Variants in NRXN1 observed in about 807,000 individuals in gnomAD.
The protein encoded by NRXN1 is neurexin 1, also known as neurexin-1.
Under a neutral mutation model 150.9 loss-of-function variants are expected in NRXN1, and 39 were observed. The ratio of observed to expected loss-of-function variants is 0.26; its 90% CI spans 0.20 to 0.34. NRXN1 has a LOEUF of 0.34. Ranked by LOEUF, NRXN1 falls within the 10% of genes least tolerant of loss-of-function variation. NRXN1 has a pLI of 1.00. For synonymous variants in NRXN1, 924 were observed against 757.0 expected, an observed-to-expected ratio of 1.22 and a Z score of -3.62; for missense variants, 1,815 against 1,949.9, an observed-to-expected ratio of 0.93 and a Z score of 1.30.
intron 18 of NRXN1, among the ~76,000 whole-genome samples, chr2:50,165,802 G>A (rs989962528): frequency 6.6e-6 from 1 of 152,066 alleles, no homozygotes; most frequent in Non-Finnish European, 1.5e-5. Context: ...TGCAAACAAT[G>A]ATATTATTAC....
intron 5 of NRXN1, among the ~76,000 whole-genome samples, chr2:50,714,214 C>T (rs1157484219): frequency 1.3e-5 from 2 of 152,144 alleles, no homozygotes; most frequent in Non-Finnish European, 2.9e-5. Flanking sequence ...TATATGGCCA[C>T]ACAGGAGTCC....
chr2:50,642,269 G>A (rs1019204103), intron 5 of NRXN1, among the ~76,000 whole-genome samples: 1 of 151,842 alleles, frequency 6.6e-6, no homozygotes, highest in Non-Finnish European at 1.5e-5. Flanking sequence ...TGCAAAGGGG[G>A]ATACAAGACA....
intron 21 of NRXN1, among the ~76,000 whole-genome samples, chr2:50,036,958 G>A (rs927856398): frequency 6.6e-6 from 1 of 152,128 alleles, no homozygotes; most frequent in South Asian, 2.1e-4. Context: ...CTGAAGCCCA[G>A]TCCAAATGGC....
chr2:50,513,544 T>C (rs968990115), intron 12 of NRXN1, among the ~76,000 whole-genome samples: 2 of 152,188 alleles, frequency 1.3e-5, no homozygotes, highest in Non-Finnish European at 2.9e-5. Flanking sequence ...AATAGATCAA[T>C]AACGACATGC....
intron 5 of NRXN1, among the ~76,000 whole-genome samples, chr2:50,902,162 T>C (rs1427386200): frequency 2.6e-5 from 4 of 152,176 alleles, no homozygotes; most frequent in Non-Finnish European, 5.9e-5. Flanking sequence ...GTCTGAAATA[T>C]CATTAATTCA....
At chr2:49,930,658 T>C (rs1270574764) in intron 22 of NRXN1, among the ~76,000 whole-genome samples, 1 of 152,240 alleles carries the variant, frequency 6.6e-6, no homozygotes, top group African/African-American at 2.4e-5. Context: ...TTTTTTCAAC[T>C]AGACTGTTGG....
At chr2:50,039,282 A>C (rs1021723686) in intron 21 of NRXN1, among the ~76,000 whole-genome samples, 1 of 152,114 alleles carries the variant, frequency 6.6e-6, no homozygotes, top group Non-Finnish European at 1.5e-5. Context: ...CCTGGTCAAC[A>C]TGGTGAAATC....
At chr2:50,849,492 A>G (rs1480216800) in intron 5 of NRXN1, among the ~76,000 whole-genome samples, 1 of 152,200 alleles carries the variant, frequency 6.6e-6, no homozygotes, top group East Asian at 1.9e-4. Context: ...AGCATCAATT[A>G]GCAAACACAG....
At chr2:50,377,551 C>T (rs1457636959) in intron 17 of NRXN1, among the ~76,000 whole-genome samples, 2 of 152,086 alleles carry the variant, frequency 1.3e-5, no homozygotes, top group Non-Finnish European at 2.9e-5. Context: ...TTCTCACATT[C>T]TTAAAATTAA....
chr2:50,273,812 A>G (rs987681304), intron 17 of NRXN1, among the ~76,000 whole-genome samples: 4 of 152,210 alleles, frequency 2.6e-5, no homozygotes, highest in African/African-American at 9.6e-5. Flanking sequence ...AATGCAAATC[A>G]AAACCACAAT....
intron 18 of NRXN1, among the ~76,000 whole-genome samples, chr2:50,113,542 C>T (rs1702645872): frequency 6.6e-6 from 1 of 152,164 alleles, no homozygotes; most frequent in Admixed American, 6.5e-5. Flanking sequence ...AAAGGATTAA[C>T]CATAAACTGC....
At chr2:50,071,877 C>A (rs1240416974) in intron 19 of NRXN1, among the ~76,000 whole-genome samples, 2 of 152,118 alleles carry the variant, frequency 1.3e-5, no homozygotes, top group Non-Finnish European at 1.5e-5. Context: ...AAATCATGTC[C>A]ATTTTAATTA....
chr2:50,433,117 C>T (rs1338925776), intron 17 of NRXN1, among the ~76,000 whole-genome samples: 1 of 152,192 alleles, frequency 6.6e-6, no homozygotes, highest in Non-Finnish European at 1.5e-5. Context: ...TGAGGAAAAG[C>T]ATAGTTATCA....
At chr2:51,006,145 A>G (rs1700690071) in intron 2 of NRXN1, among the ~76,000 whole-genome samples, 2 of 151,918 alleles carry the variant, frequency 1.3e-5, no homozygotes, top group Non-Finnish European at 2.9e-5. Context: ...GAACCTGTGT[A>G]GTTGTCTCAC....
intron 9 of NRXN1, among the ~76,000 whole-genome samples, chr2:50,548,892 C>T (rs1054311403): frequency 2.0e-5 from 3 of 152,004 alleles, no homozygotes; most frequent in Non-Finnish European, 2.9e-5. Context: ...TGCTCTTAGG[C>T]GTGGGTTCCC....
At position 50,552,922 on chromosome 2, in the gene NRXN1, T is replaced by C. The variant is rs751754721; in HGVS notation, c.1424A>G (p.Asn475Ser). The change falls in exon 9 of 23, where the codon AAT (asparagine) becomes AGT (serine). Residue 475 changes from asparagine to serine, a missense_variant. Physicochemically the swap from Asn to Ser is conservative, Grantham distance 46. Coordinates refer to ENST00000401669, the MANE Select transcript of NRXN1 (RefSeq NM_001330078.2). Reference protein sequence around the residue: ...IHGVVAFKCENVATLDPITFE... With the variant: ...IHGVVAFKCESVATLDPITFE... ...GGTGATTGGGTCTAAAGTTGCAACA[T>C]TCTCACATTTAAATGCCACCACTCC... 3 of 1,613,712 alleles carry C rather than the reference T, an allele frequency of 1.9e-6. No individual in the cohort carries two copies. The highest frequency in any genetic ancestry group is 2.5e-6 in the Non-Finnish European group (3 of 1,179,644).
rs542440558 is a variant in NRXN1 at position 49,967,598 on chromosome 2, A to C, written c.4129-23807T>G. On this transcript the variant is annotated intron_variant, in intron 21 of 22. Coordinates refer to ENST00000401669, the MANE Select transcript of NRXN1 (RefSeq NM_001330078.2). The stretch of plus-strand genomic sequence containing the variant: ...AAAACAAGCATATACTTTTCTACTT[A>C]ATCTCATCAATTTAAACCTTCATAT... 5.5e-4 allele frequency among the ~76,000 whole-genome samples: 84 copies of C among 152,238 alleles called. 2 individuals carry two copies. In the South Asian group the frequency reaches 0.016, roughly 30 times the overall value.
At chr2:50,936,936 C>A (rs1197712251) in intron 2 of NRXN1, among the ~76,000 whole-genome samples, 9 of 152,054 alleles carry the variant, frequency 5.9e-5, no homozygotes, top group Admixed American at 5.9e-4. Context: ...ATTGGAGAAT[C>A]TAGGCATTTC....
At chr2:49,947,681 A>G (rs551811586) in intron 21 of NRXN1, among the ~76,000 whole-genome samples, 7 of 151,360 alleles carry the variant, frequency 4.6e-5, no homozygotes, top group Non-Finnish European at 1.0e-4. Flanking sequence ...TAAAATACAC[A>G]TGACAGCTTG....
Sources: allele counts gnomAD v4.1 joint callset (sites outside exome capture counted in the v4.1 genomes callset), GRCh38; gene constraint gnomAD v4.1.1; transcripts MANE v1.5; gene names NCBI Gene and HGNC (gene_info 2026-07-23, HGNC 2026-07-21).